Variants in SEMA5A observed in about 807,000 individuals in gnomAD.
The protein encoded by SEMA5A is semaphorin-5A.
Under a neutral mutation model 135.5 loss-of-function variants are expected in SEMA5A, and 55 were observed. That is an observed-to-expected ratio of 0.41 (90% CI 0.33 to 0.51). SEMA5A has a LOEUF of 0.51. Among genes scored for constraint, SEMA5A ranks in the 20% least tolerant of loss-of-function variants. The pLI is 0.37. For missense variants in SEMA5A, 1,290 were observed against 1,419.9 expected (o/e 0.91, Z 1.47); for synonymous variants, 580 against 546.5 (o/e 1.06, Z -0.85).
At chr5:9,355,242 G>A (rs891720343) in intron 3 of SEMA5A, among the ~76,000 whole-genome samples, 2 of 152,124 alleles carry the variant, frequency 1.3e-5, no homozygotes, top group African/African-American at 4.8e-5. Context: ...GCCAACCCTT[G>A]TCTATGGCAC....
At chr5:9,376,527 A>G (rs1481709361) in intron 3 of SEMA5A, among the ~76,000 whole-genome samples, 1 of 152,168 alleles carries the variant, frequency 6.6e-6, no homozygotes, top group East Asian at 1.9e-4. Context: ...GCAGCACCCA[A>G]CACAGGCACC....
intron 5 of SEMA5A, among the ~76,000 whole-genome samples, chr5:9,300,751 A>G (rs1194643141): frequency 6.6e-6 from 1 of 152,230 alleles, no homozygotes; most frequent in Non-Finnish European, 1.5e-5. Context: ...GTATCCTTAT[A>G]AAAGAAAGTT....
chr5:9,173,006 A>G (rs1206108261), intron 11 of SEMA5A, among the ~76,000 whole-genome samples: 2 of 152,216 alleles, frequency 1.3e-5, no homozygotes, highest in African/African-American at 4.8e-5. Flanking sequence ...GAATCTGGTG[A>G]TAAGTGTTCT....
intron 18 of SEMA5A, among the ~76,000 whole-genome samples, chr5:9,061,326 T>C (rs1295109337): frequency 6.6e-6 from 1 of 152,172 alleles, no homozygotes; most frequent in Non-Finnish European, 1.5e-5. Context: ...AACTCTTTGT[T>C]TCCTCATTAT....
intron 1 of SEMA5A, among the ~76,000 whole-genome samples, chr5:9,449,792 G>C (rs1758568818): frequency 6.6e-6 from 1 of 152,036 alleles, no homozygotes; most frequent in African/African-American, 2.4e-5. Context: ...AAGGTGCCTG[G>C]GTAACGTTTG....
At chr5:9,486,244 G>T (rs1285731337) in intron 1 of SEMA5A, among the ~76,000 whole-genome samples, 13 of 152,084 alleles carry the variant, frequency 8.5e-5, no homozygotes, top group African/African-American at 2.9e-4. Flanking sequence ...CACAGGGAGG[G>T]GGAACAACAC....
chr5:9,476,776 A>G (rs1023886701), intron 1 of SEMA5A, among the ~76,000 whole-genome samples: 1 of 152,230 alleles, frequency 6.6e-6, no homozygotes, highest in Non-Finnish European at 1.5e-5. Flanking sequence ...TTGCCATTAG[A>G]AAACAGCAGA....
At chr5:9,287,233 A>C (rs1750842585) in intron 5 of SEMA5A, among the ~76,000 whole-genome samples, 1 of 152,234 alleles carries the variant, frequency 6.6e-6, no homozygotes, top group African/African-American at 2.4e-5. Flanking sequence ...ATGATCCGAA[A>C]AATGCCATCT....
At chr5:9,348,566 C>A (rs990025755) in intron 3 of SEMA5A, among the ~76,000 whole-genome samples, 5 of 152,122 alleles carry the variant, frequency 3.3e-5, no homozygotes, top group African/African-American at 1.2e-4. Context: ...TGACTCCTGA[C>A]CTGCAGCATA....
intron 1 of SEMA5A, among the ~76,000 whole-genome samples, chr5:9,481,873 A>T (rs1011711720): frequency 2.0e-5 from 3 of 152,182 alleles, no homozygotes; most frequent in Non-Finnish European, 4.4e-5. Context: ...GGGGACCAAG[A>T]TTTCTTATGC....
At chr5:9,067,142 G>A (rs181208112) in intron 16 of SEMA5A, among the ~76,000 whole-genome samples, 61 of 152,258 alleles carry the variant, frequency 4.0e-4, no homozygotes, top group African/African-American at 1.3e-3. Context: ...CTTTTTTTAC[G>A]TATAAGGTTT....
At chr5:9,422,683 G>A (rs1017970951) in intron 2 of SEMA5A, among the ~76,000 whole-genome samples, 2 of 152,034 alleles carry the variant, frequency 1.3e-5, no homozygotes, top group African/African-American at 4.8e-5. Context: ...TTGTTAGGTG[G>A]CTGGAAAGAG....
intron 2 of SEMA5A, among the ~76,000 whole-genome samples, chr5:9,429,993 G>A (rs73034797): frequency 0.046 from 6,939 of 152,262 alleles, 422 homozygotes; most frequent in East Asian, 0.13. Context: ...CGAGACGGCC[G>A]GAAGACCTGA....
At chr5:9,533,378 A>T (rs1203426733) in intron 1 of SEMA5A, among the ~76,000 whole-genome samples, 1 of 152,246 alleles carries the variant, frequency 6.6e-6, no homozygotes, top group Non-Finnish European at 1.5e-5. Flanking sequence ...TAAGATTTTT[A>T]AAATAGACCT....
At chr5:9,097,171 T>A (rs1739367428) in intron 16 of SEMA5A, among the ~76,000 whole-genome samples, 1 of 152,042 alleles carries the variant, frequency 6.6e-6, no homozygotes, top group Admixed American at 6.5e-5. Context: ...CCCAGAGCAT[T>A]TTGATTTAAG....
rs1561177870 is a variant in SEMA5A at position 9,353,344 on chromosome 5, A to AAAGGAAAGGG, written c.125-15542_125-15533dup. Among the ~76,000 whole-genome samples, 19 of 100,928 alleles carry AAAGGAAAGGG rather than the reference A, an allele frequency of 1.9e-4. 1 individual carries two copies. The highest frequency in any genetic ancestry group is 9.6e-4 in the South Asian group (3 of 3,110). The allele number at this position is 100,928 out of a possible 152,430, so 66.2% of individuals were successfully genotyped here. On this transcript the variant is annotated intron_variant, in intron 3 of 22. Coordinates refer to ENST00000382496, the MANE Select transcript of SEMA5A (RefSeq NM_003966.3). ...GAAGGAAAGGAAAGGAAATGAAAGG[A>AAAGGAAAGGG]AAGGAAAGGGAAGGAAAGGAAAGGA...
At chr5:9,469,383 T>A (rs1174670334) in intron 1 of SEMA5A, among the ~76,000 whole-genome samples, 2 of 152,222 alleles carry the variant, frequency 1.3e-5, no homozygotes, top group Non-Finnish European at 2.9e-5. Flanking sequence ...TTATGCGGAA[T>A]GTTTAATTGG....
chr5:9,425,960 C>T (rs1389951389), intron 2 of SEMA5A, among the ~76,000 whole-genome samples: 1 of 152,138 alleles, frequency 6.6e-6, no homozygotes, highest in Non-Finnish European at 1.5e-5. Flanking sequence ...TGTTCACTCA[C>T]CTTTAAATGG....
At chr5:9,177,075 C>G (rs1744245256) in intron 11 of SEMA5A, among the ~76,000 whole-genome samples, 1 of 152,198 alleles carries the variant, frequency 6.6e-6, no homozygotes, top group Non-Finnish European at 1.5e-5. Flanking sequence ...GCCACTGTAA[C>G]TGGACTGCTC....
Sources: allele counts gnomAD v4.1 joint callset (sites outside exome capture counted in the v4.1 genomes callset), GRCh38; gene constraint gnomAD v4.1.1; transcripts MANE v1.5; gene names NCBI Gene and HGNC (gene_info 2026-07-23, HGNC 2026-07-21).